The following MYT1 variants were observed in gnomAD, a reference collection of about 807,000 sequenced individuals.
MYT1 encodes the protein myelin transcription factor I.
A neutral mutation model predicts 123.0 loss-of-function variants in MYT1; 23 were observed. The ratio of observed to expected loss-of-function variants is 0.19; its 90% CI spans 0.13 to 0.26. MYT1 has a LOEUF of 0.26. MYT1 is among the 10% of genes least tolerant of loss of function. The probability of loss-of-function intolerance (pLI) is 1.00; values close to 1 mark genes in which losing one functional copy is unlikely to be tolerated. For missense variants in MYT1, 1,125 were observed against 1,472.5 expected (o/e 0.76, Z 3.86); for synonymous variants, 518 against 575.3 (o/e 0.90, Z 1.43).
rs1175526066 is a variant in MYT1, at chr20:64,207,591, C to T, written c.398-3C>T. 6.2e-7 allele frequency: 1 copy of T among 1,610,220 alleles called. No homozygotes were observed. The highest frequency in any genetic ancestry group is 1.1e-5 in the South Asian group (1 of 90,758). On this transcript the variant is annotated splice_region_variant and splice_polypyrimidine_tract_variant and intron_variant, in intron 6 of 22. Transcript: ENST00000328439. ...CCCCCACGTTGATTTTGATTTTGTG[C>T]AGGAAGGAGCCCCGTCAAGTCCCAT...
intron 1 of MYT1, among the ~76,000 whole-genome samples, chr20:64,173,079 C>A (rs542985807): frequency 3.3e-5 from 5 of 152,254 alleles, no homozygotes; most frequent in East Asian, 3.9e-4. Flanking sequence ...TTGGACCAGG[C>A]CTGTTTCCAT....
chr20:64,211,166 C>A, intron 7 of MYT1, 40 bp from the exon 8 acceptor site: 1 of 1,589,300 alleles, frequency 6.3e-7, no homozygotes, highest in East Asian at 2.3e-5. Context: ...GCTCACCACC[C>A]AGCTTCCTGG....
rs775618152 is a variant in MYT1 at position 64,211,334 on chromosome 20, C to G, written c.1420C>G (p.Pro474Ala). The change falls in exon 8 of 23, where the codon CCA (proline) becomes GCA (alanine). Residue 474 changes from proline (P) to alanine (A), a missense_variant. By Grantham distance (27) the Pro-to-Ala change is conservative. This residue lies in a region of MYT1 where 429 missense variants were observed against 604.1 expected (regional missense o/e 0.71). Transcript: ENST00000328439. ...CTGTCCCCACAAGGATAGGATCCCC[C>G]CAGAGAGTGAGTAGCTCTGTGCAGC... ...SGCPHKDRIP[P>A]EILAMHENVL... The G allele has an allele frequency of 5.6e-6, 9 of 1,612,856 alleles. No homozygotes were observed. Among genetic ancestry groups the G allele is most frequent in the Non-Finnish European group, 7.6e-6 (9 of 1,179,122 alleles).
chr20:64,204,909 A>T, intron 4 of MYT1, 126 bp from the exon 5 acceptor site: 1 of 866,542 alleles, frequency 1.2e-6, no homozygotes, highest in African/African-American at 1.7e-5. Context: ...TTTTCAGCAA[A>T]CTGCAGGCAG....
At chr20:64,206,913 T>C (rs1160012899) in intron 6 of MYT1, among the ~76,000 whole-genome samples, 1 of 151,726 alleles carries the variant, frequency 6.6e-6, no homozygotes, top group East Asian at 2.0e-4. Flanking sequence ...TTAGTTTCGT[T>C]TTGTTTTTGT....
chr20:64,184,616 T>C (rs546251580), intron 1 of MYT1, among the ~76,000 whole-genome samples: 2 of 152,336 alleles, frequency 1.3e-5, no homozygotes, highest in South Asian at 4.1e-4. Context: ...ATTCCTTGAA[T>C]TGCCATACAA....
At chr20:64,178,636 T>G (rs1230121139) in intron 1 of MYT1, among the ~76,000 whole-genome samples, 1 of 138,432 alleles carries the variant, frequency 7.2e-6, no homozygotes, top group Non-Finnish European at 1.6e-5. Flanking sequence ...GTGGGAGCAC[T>G]GAGCCGTTAT....
chr20:64,187,770 A>G (rs1363779993), intron 1 of MYT1, among the ~76,000 whole-genome samples: 12 of 152,182 alleles, frequency 7.9e-5, no homozygotes, highest in Admixed American at 7.9e-4. Flanking sequence ...TTCCTAGGAG[A>G]GGGAGGCTAT....
chr20:64,239,830 C>T lies in MYT1; in HGVS notation c.3164C>T (p.Ala1055Val). 6.2e-7 allele frequency: 1 copy of T among 1,613,966 alleles called. No individual in the cohort carries two copies. The highest frequency in any genetic ancestry group is 8.5e-7 in the Non-Finnish European group (1 of 1,180,022). Reference protein sequence around the residue: ...ENKLIEEQNEALFLELSGLSQ... With the variant: ...ENKLIEEQNEVLFLELSGLSQ... ...AAGCTCATTGAGGAGCAGAATGAAGCCCTGTTTCTGGAGCTGTCCGGCCTG... is the reference window on the plus strand; with the variant it reads ...AAGCTCATTGAGGAGCAGAATGAAGTCCTGTTTCTGGAGCTGTCCGGCCTG... The change falls in exon 22 of 23, where the codon GCC becomes GTC. Residue 1055 changes from alanine to valine, a missense_variant. By Grantham distance (64) the Ala-to-Val change is moderately conservative. Transcript: ENST00000328439.
rs530522180 is a variant in MYT1, at chr20:64,196,538, C to G, written c.1-2324C>G. On this transcript the variant is annotated intron_variant, in intron 2 of 22. Transcript: ENST00000328439. The surrounding 1 kb of genome is among the most constrained non-coding windows in gnomAD (Gnocchi z 4.3). ...GAAACCAGTGTCCCAAGTCACCCAG[C>G]TCTTACGGGTTCATTCTCGTATTAA... is the stretch of plus-strand genomic sequence containing the variant. 6.6e-6 allele frequency among the ~76,000 whole-genome samples: 1 copy of G among 152,244 alleles called. No homozygotes were observed. Among genetic ancestry groups the G allele is most frequent in the African/African-American group, 2.4e-5 (1 of 41,458 alleles).
In MYT1 at chr20:64,213,172, G is replaced by A. The variant is rs1461981839; in HGVS notation, c.1518-362G>A. Reference sequence around the variant, plus strand: ...CTGCAGAATCCAGCCCTGCAAGCTGGGAAGGGAGAGGAAGGGGGTGAGGGC... The same window carrying A: ...CTGCAGAATCCAGCCCTGCAAGCTGAGAAGGGAGAGGAAGGGGGTGAGGGC... On this transcript the variant is annotated intron_variant, in intron 9 of 22. Transcript: ENST00000328439. This position sits in a 1 kb window ranked among gnomAD's most constrained non-coding sequence, Gnocchi z 5.6. Among the ~76,000 whole-genome samples, 1 of 152,134 alleles carries A rather than the reference G, an allele frequency of 6.6e-6. No individual in the cohort carries two copies. The highest frequency in any genetic ancestry group is 2.4e-5 in the African/African-American group (1 of 41,436).
chr20:64,180,312 A>G (rs1482178808), intron 1 of MYT1, among the ~76,000 whole-genome samples: 1 of 152,222 alleles, frequency 6.6e-6, no homozygotes, highest in Non-Finnish European at 1.5e-5. Flanking sequence ...GTTCATATTG[A>G]TAACCTCTGA....
At chr20:64,184,829 T>G (rs1982751160) in intron 1 of MYT1, among the ~76,000 whole-genome samples, 1 of 152,112 alleles carries the variant, frequency 6.6e-6, no homozygotes, top group Admixed American at 6.5e-5. Flanking sequence ...GAAGCAGATA[T>G]TGTGGGCAGC....
At position 64,167,941 on chromosome 20, in the gene MYT1, T is replaced by C. The variant is rs1455063126; in HGVS notation, c.-99+3202T>C. On this transcript the variant is annotated intron_variant, in intron 1 of 22. Transcript: ENST00000328439. The surrounding 1 kb of genome is among the most constrained non-coding windows in gnomAD (Gnocchi z 6.3). ...TGTTTCCCAGAAGGGAAGAGAGCAG[T>C]GGCTGCCGTGCTGCTCCCCCGTGGG... Among the ~76,000 whole-genome samples the C allele has an allele frequency of 6.6e-6, 1 of 152,230 alleles. No homozygotes were observed. Among genetic ancestry groups the C allele is most frequent in the Non-Finnish European group, 1.5e-5 (1 of 68,032 alleles).
chr20:64,170,176 G>A (rs1214135732), intron 1 of MYT1, among the ~76,000 whole-genome samples: 2 of 152,106 alleles, frequency 1.3e-5, no homozygotes, highest in African/African-American at 2.4e-5. Context: ...TTCATCTCCT[G>A]CAGCTGAATT....
chr20:64,235,753 T>TGGATGGCTGTGGTGGGTGACCCTG (rs1984508423), intron 19 of MYT1, among the ~76,000 whole-genome samples: 1 of 33,972 alleles, frequency 2.9e-5, no homozygotes, highest in East Asian at 7.2e-4. Flanking sequence ...GGGTGACCCT[T>TGGATGGCTGTGGTGGGTGACCCTG]GGATGGCTGT....
Position 64,207,979 on chromosome 20 carries a change from CGAGGAGGAGGAGGAGGAGGAA to C in MYT1, c.801_821del (p.Glu267_Glu273del), listed in dbSNP as rs759787916. On this transcript the variant is annotated inframe_deletion, in exon 7 of 23. Coordinates refer to ENST00000328439, the MANE Select transcript of MYT1 (RefSeq NM_004535.3). ...GCATCCTGAGTCACGAAGAGGAGGA[CGAGGAGGAGGAGGAGGAGGAA>C]GAGGAGGAGGAGGAGGATGAAGAAG... 82 of 1,569,200 alleles carry C rather than the reference CGAGGAGGAGGAGGAGGAGGAA, an allele frequency of 5.2e-5. No homozygotes were observed. In the Middle Eastern group the frequency reaches 5.8e-4, roughly 11 times the overall value.
intron 1 of MYT1, among the ~76,000 whole-genome samples, chr20:64,180,924 C>T (rs1188875752): frequency 6.6e-6 from 1 of 152,238 alleles, no homozygotes. Flanking sequence ...CGGTTCAATG[C>T]TCAGTTTTTG....
chr20:64,222,711 A>T (rs771680277), intron 14 of MYT1, among the ~76,000 whole-genome samples: 1 of 152,116 alleles, frequency 6.6e-6, no homozygotes, highest in African/African-American at 2.4e-5. Flanking sequence ...CTTCTCCCCA[A>T]CCTGAACCCC....
Sources: gnomAD v4.1 joint callset for allele counts (sites outside exome capture counted in the v4.1 genomes callset) on GRCh38, gnomAD v4.1.1 for gene constraint, gnomAD v4.1.1 regional missense constraint, Gnocchi (gnomAD v3.1) non-coding constraint, MANE v1.5 for transcripts, NCBI Gene and HGNC (gene_info 2026-07-23, HGNC 2026-07-21) for gene names.